The following SLC8A1 variants were observed in gnomAD, a reference collection of about 807,000 sequenced individuals.
The protein encoded by SLC8A1 is solute carrier family 8 member A1.
A neutral mutation model predicts 68.3 loss-of-function variants in SLC8A1; 18 were observed. That is an observed-to-expected ratio of 0.26 (90% CI 0.18 to 0.39). SLC8A1 has a LOEUF of 0.39. Among genes scored for constraint, SLC8A1 ranks in the 10% least tolerant of loss-of-function variants. The probability of loss-of-function intolerance (pLI) is 1.00; values close to 1 mark genes in which losing one functional copy is unlikely to be tolerated. For missense variants in SLC8A1, 985 were observed against 1,156.7 expected (o/e 0.85, Z 2.15); for synonymous variants, 475 against 415.5 (o/e 1.14, Z -1.74).
At position 40,161,008 on chromosome 2, in the gene SLC8A1, G is replaced by T. The variant is rs895572516; in HGVS notation, c.2062-144C>A. On this transcript the variant is annotated intron_variant, in intron 5 of 7. Coordinates refer to ENST00000406785, the Ensembl canonical transcript of SLC8A1. Reference sequence around the variant, plus strand: ...AACAACAGTATTGACATCAAACACTGTTATGATTATGCAAACAAGCATGGT... The same window carrying T: ...AACAACAGTATTGACATCAAACACTTTTATGATTATGCAAACAAGCATGGT... The T allele has an allele frequency of 8.1e-6, 5 of 614,810 alleles. No individual in the cohort carries two copies. The African/African-American group carries it at 9.3e-5, about 11-fold the overall frequency. The allele number at this position is 614,810 out of a possible 1,614,324, so 38.1% of individuals were successfully genotyped here. A position where few individuals can be genotyped will look rare whatever the true frequency, so the allele number is the denominator to read the frequency against.
At chr2:40,481,352 G>C (rs1471534539) in intron 1 of SLC8A1, among the ~76,000 whole-genome samples, 1 of 152,146 alleles carries the variant, frequency 6.6e-6, no homozygotes, top group Non-Finnish European at 1.5e-5. Flanking sequence ...GAAGACAAAA[G>C]AGACATTGAA....
intron 2 of SLC8A1, among the ~76,000 whole-genome samples, chr2:40,392,030 T>TA (rs1004683591): frequency 1.4e-5 from 2 of 148,104 alleles, no homozygotes; most frequent in South Asian, 4.2e-4. Context: ...TGCCTTCTCT[T>TA]AAAAAAACAA....
chr2:40,332,438 C>G (rs567620226), intron 2 of SLC8A1, among the ~76,000 whole-genome samples: 296 of 89,122 alleles, frequency 3.3e-3, no homozygotes, highest in East Asian at 5.2e-3. Context: ...AGGACGGGGG[C>G]GGGGGGCGGT....
intron 2 of SLC8A1, among the ~76,000 whole-genome samples, chr2:40,399,238 A>G (rs1014843921): frequency 1.1e-4 from 17 of 152,182 alleles, no homozygotes; most frequent in African/African-American, 4.1e-4. Flanking sequence ...AGCAATCTGC[A>G]GCTAGCAACA....
chr2:40,269,690 G>A (rs1044681077), intron 2 of SLC8A1, among the ~76,000 whole-genome samples: 1 of 152,244 alleles, frequency 6.6e-6, no homozygotes, highest in Middle Eastern at 3.4e-3. Flanking sequence ...AGCATGAAGT[G>A]ACCACACAGA....
rs2035834151 is a variant in SLC8A1 at position 40,117,872 on chromosome 2, G to T, written c.2438-2243C>A. On this transcript the variant is annotated intron_variant, in intron 7 of 7. Coordinates refer to ENST00000406785, the Ensembl canonical transcript of SLC8A1. ...GCATGTAAATATAGATCAGCCCATG[G>T]ATTCTCCTGCTTTACAATGGATAAG... 2.0e-5 allele frequency among the ~76,000 whole-genome samples: 3 copies of T among 152,152 alleles called. No individual in the cohort carries two copies. The South Asian group carries it at 6.2e-4, about 32-fold the overall frequency.
intron 2 of SLC8A1, among the ~76,000 whole-genome samples, chr2:40,335,139 T>A (rs147332713): frequency 3.9e-5 from 6 of 152,342 alleles, no homozygotes; most frequent in Non-Finnish European, 8.8e-5. Flanking sequence ...TAGTTTTGGA[T>A]ATGGATATGA....
chr2:40,153,295 C>T (rs2043805212), intron 6 of SLC8A1, among the ~76,000 whole-genome samples: 1 of 152,188 alleles, frequency 6.6e-6, no homozygotes, highest in Non-Finnish European at 1.5e-5. Flanking sequence ...AAGGTCATCT[C>T]TTCTAATGCT....
At chr2:40,277,794 G>GTGTGTATA (rs907874659) in intron 2 of SLC8A1, among the ~76,000 whole-genome samples, 1 of 108,024 alleles carries the variant, frequency 9.3e-6, no homozygotes, top group African/African-American at 3.3e-5. Flanking sequence ...ATATATGTGT[G>GTGTGTATA]TATATATATA....
chr2:40,425,200 G>C (rs893403305), intron 2 of SLC8A1, among the ~76,000 whole-genome samples: 2 of 151,650 alleles, frequency 1.3e-5, no homozygotes, highest in Admixed American at 6.6e-5. Flanking sequence ...AAAATGTTTT[G>C]CTGAGAATAT....
At chr2:40,373,418 C>T (rs188344506) in intron 2 of SLC8A1, among the ~76,000 whole-genome samples, 15 of 152,070 alleles carry the variant, frequency 9.9e-5, no homozygotes, top group East Asian at 1.9e-4. Context: ...AATTCAATGC[C>T]GATATGAATA....
intron 2 of SLC8A1, among the ~76,000 whole-genome samples, chr2:40,210,417 G>A (rs1287367071): frequency 6.6e-6 from 1 of 152,094 alleles, no homozygotes. Context: ...AGGTTTCAAG[G>A]GGATCATCCA....
chr2:40,287,582 ATGTGTGTGTGTGTG>A (rs10522914), intron 2 of SLC8A1, among the ~76,000 whole-genome samples: 37 of 127,576 alleles, frequency 2.9e-4, no homozygotes, highest in Admixed American at 2.2e-3. Context: ...CAGAGGAATG[ATGTGTGTGTGTGTG>A]TGTGTGTGTG....
At chr2:40,457,405 A>G (rs1703087015) in intron 1 of SLC8A1, among the ~76,000 whole-genome samples, 1 of 152,218 alleles carries the variant, frequency 6.6e-6, no homozygotes, top group Admixed American at 6.5e-5. Flanking sequence ...CCCTCGCTGT[A>G]TCTTCAATTG....
exon 8 of SLC8A1, chr2:40,103,642 T>C (rs1180114557): frequency 6.6e-6 from 1 of 152,072 alleles, no homozygotes; most frequent in African/African-American, 2.4e-5. Context: ...GAACTTAAAG[T>C]TTTCATTTAA....
chr2:40,318,305 G>A (rs1242602451), intron 2 of SLC8A1, among the ~76,000 whole-genome samples: 1 of 151,932 alleles, frequency 6.6e-6, no homozygotes, highest in South Asian at 2.1e-4. Flanking sequence ...TCCTGAAAGA[G>A]GCTGGGCATC....
chr2:40,452,531 G>C (rs1702687955), upstream of SLC8A1, among the ~76,000 whole-genome samples: 1 of 152,140 alleles, frequency 6.6e-6, no homozygotes, highest in African/African-American at 2.4e-5. Flanking sequence ...TCCGCAGACA[G>C]AACCCTGACC....
intron 2 of SLC8A1, among the ~76,000 whole-genome samples, chr2:40,366,584 A>G (rs797004234): frequency 2.1e-4 from 32 of 152,156 alleles, no homozygotes; most frequent in African/African-American, 7.7e-4. Flanking sequence ...TCCTCATTTT[A>G]TAGAGGAGGC....
chr2:40,466,722 T>C (rs1703695863), intron 1 of SLC8A1, among the ~76,000 whole-genome samples: 1 of 152,172 alleles, frequency 6.6e-6, no homozygotes, highest in Non-Finnish European at 1.5e-5. Flanking sequence ...TTATAATACC[T>C]AATAATTCAT....
Sources: gnomAD v4.1 joint callset for allele counts (sites outside exome capture counted in the v4.1 genomes callset) on GRCh38, gnomAD v4.1.1 for gene constraint, MANE v1.5 for transcripts, NCBI Gene and HGNC (gene_info 2026-07-23, HGNC 2026-07-21) for gene names.